The following RBM10 variants were observed in gnomAD, a reference collection of about 807,000 sequenced individuals.
RBM10 encodes the protein RNA-binding protein 10.
RBM10 carries 1 observed loss-of-function variant against 84.9 expected under a neutral mutation model. That is an observed-to-expected ratio of 0.01 (90% CI 0.00 to 0.06). The LOEUF is 0.06. RBM10 is among the 10% of genes least tolerant of loss of function. The pLI, the probability that RBM10 is intolerant of heterozygous loss-of-function variation, is 1.00. For synonymous variants in RBM10, 326 were observed against 344.5 expected, an observed-to-expected ratio of 0.95 and a Z score of 0.60; for missense variants, 438 against 839.0, an observed-to-expected ratio of 0.52 and a Z score of 5.90.
chrX:47,186,227 C>T lies in RBM10; in HGVS notation c.2538-31C>T, dbSNP rs376574361. ...GAGCCCGGGGCCGGGGCCGGCAGGCCGACCACTCATGCTGTGCACCGCCCC... is the reference window on the plus strand; with the variant it reads ...GAGCCCGGGGCCGGGGCCGGCAGGCTGACCACTCATGCTGTGCACCGCCCC... On this transcript the variant is annotated intron_variant, in intron 22 of 23. Coordinates refer to ENST00000377604, the MANE Select transcript of RBM10 (RefSeq NM_005676.5). 32 of 1,208,927 alleles carry T rather than the reference C, an allele frequency of 2.6e-5. No homozygotes were observed. The South Asian group carries it at 3.5e-4, about 13-fold the overall frequency.
chrX:47,159,408 C>CAAA (rs782318170), intron 2 of RBM10, among the ~76,000 whole-genome samples: 1 of 38,007 alleles, frequency 2.6e-5, no homozygotes, highest in African/African-American at 7.7e-5. Context: ...AACTCCGTCT[C>CAAA]AAAAAAAAAA....
At position 47,175,170 on chromosome X, in the gene RBM10, T is replaced by C. The variant is rs1602569746; in HGVS notation, c.576+78T>C. On this transcript the variant is annotated intron_variant, in intron 6 of 23. Transcript: ENST00000377604. ...AGCGCTCCCCATCGCCTGATTCTTA[T>C]GGACACAGTTCCCTGCCCTGTGGCC... 7 of 755,176 alleles carry C rather than the reference T, an allele frequency of 9.3e-6. No homozygotes were observed. In the East Asian group the frequency reaches 2.7e-4, roughly 29 times the overall value. The allele number at this position is 755,176 out of a possible 1,213,427, so 62.2% of individuals were successfully genotyped here. A position where few individuals can be genotyped will look rare whatever the true frequency, so the allele number is the denominator to read the frequency against.
intron 2 of RBM10, among the ~76,000 whole-genome samples, chrX:47,162,485 T>G (rs1933796928): frequency 1.8e-5 from 2 of 111,694 alleles, no homozygotes; most frequent in Non-Finnish European, 3.8e-5. Flanking sequence ...AATTTTAATA[T>G]AACTCCAAAT....
At chrX:47,166,521 C>T (rs781983241) in intron 2 of RBM10, among the ~76,000 whole-genome samples, 14 of 107,281 alleles carry the variant, frequency 1.3e-4, no homozygotes, top group Admixed American at 9.0e-4. Flanking sequence ...CAGGCTGGAG[C>T]GCAGTGGTAC....
At chrX:47,155,765 C>T (rs1164762105) in intron 2 of RBM10, among the ~76,000 whole-genome samples, 3 of 102,685 alleles carry the variant, frequency 2.9e-5, no homozygotes, top group Non-Finnish European at 4.0e-5. Flanking sequence ...TTACAATGAA[C>T]ACCATATATA....
chrX:47,167,801 A>G (rs1934344385), intron 2 of RBM10, among the ~76,000 whole-genome samples: 2 of 112,624 alleles, frequency 1.8e-5, no homozygotes, highest in South Asian at 7.2e-4. Context: ...CAGTGGTTAC[A>G]TTAATTTGTA....
In RBM10 at chrX:47,173,269, C is replaced by A. The variant is rs1409483076; in HGVS notation, c.502+72C>A. On this transcript the variant is annotated intron_variant, in intron 5 of 23. Coordinates refer to ENST00000377604, the MANE Select transcript of RBM10 (RefSeq NM_005676.5). ...CCTCCGAATCTCCCTCCTGCCTCTG[C>A]CTTCTCCCCCACTCCCTCCACCACC... 7 of 1,181,221 alleles carry A rather than the reference C, an allele frequency of 5.9e-6. No homozygotes were observed. The African/African-American group carries it at 1.2e-4, about 21-fold the overall frequency.
chrX:47,165,533 AAG>A (rs1219850930), intron 2 of RBM10, among the ~76,000 whole-genome samples: 2 of 79,390 alleles, frequency 2.5e-5, no homozygotes, highest in African/African-American at 9.6e-5. Context: ...AAAAAAAAAA[AAG>A]AGGCTGGGCG....
intron 2 of RBM10, chrX:47,157,349 T>A (rs1372686869): frequency 3.1e-6 from 1 of 322,073 alleles, no homozygotes; most frequent in Non-Finnish European, 6.0e-6. Context: ...AGGGTGGCTG[T>A]ATGCCATTCA....
intron 3 of RBM10, among the ~76,000 whole-genome samples, chrX:47,170,683 G>A (rs1377895419): frequency 2.7e-5 from 3 of 112,224 alleles, no homozygotes; most frequent in African/African-American, 9.7e-5. Context: ...GAGAGGAGAG[G>A]AAAATCAAGG....
chrX:47,150,543 C>T (rs1193464283), intron 2 of RBM10, among the ~76,000 whole-genome samples: 2 of 111,762 alleles, frequency 1.8e-5, no homozygotes, highest in Non-Finnish European at 3.8e-5. Context: ...ATACGGTAGG[C>T]TCCGGTTTTA....
chrX:47,150,542 G>A (rs1396045374), intron 2 of RBM10, among the ~76,000 whole-genome samples: 1 of 111,718 alleles, frequency 9.0e-6, no homozygotes, highest in Non-Finnish European at 1.9e-5. Context: ...CATACGGTAG[G>A]CTCCGGTTTT....
chrX:47,147,361 C>T lies in RBM10; in HGVS notation c.-121C>T, dbSNP rs2147064218. On this transcript the variant is annotated 5_prime_UTR_variant, in exon 2 of 24. Coordinates refer to ENST00000377604, the MANE Select transcript of RBM10 (RefSeq NM_005676.5). Reference sequence around the variant, plus strand: ...TCTTCCCTCCACTCTCCCCAGAGTCCCTGCAGGAAGCATCACCCAGGCTGG... The same window carrying T: ...TCTTCCCTCCACTCTCCCCAGAGTCTCTGCAGGAAGCATCACCCAGGCTGG... 8.3e-7 allele frequency: 1 copy of T among 1,197,706 alleles called. No homozygotes were observed. The highest frequency in any genetic ancestry group is 1.8e-5 in the South Asian group (1 of 55,452).
At chrX:47,180,342 T>TTCCC in intron 11 of RBM10, 33 bp downstream of exon 11, 1 of 1,059,499 alleles carries the variant, frequency 9.4e-7, no homozygotes, top group South Asian at 2.0e-5. Context: ...TTCCCACCCT[T>TTCCC]CCCCTCCCCA....
intron 9 of RBM10, 148 bp downstream of exon 9, chrX:47,179,643 A>C: frequency 1.3e-6 from 1 of 785,322 alleles, no homozygotes; most frequent in Non-Finnish European, 1.8e-6. Flanking sequence ...GAACAGGGGG[A>C]GTGGCAACAT....
At chrX:47,164,541 G>A (rs1237219378) in intron 2 of RBM10, among the ~76,000 whole-genome samples, 1 of 109,023 alleles carries the variant, frequency 9.2e-6, no homozygotes, top group Non-Finnish European at 1.9e-5. Context: ...AAAAAAAATT[G>A]GCAAAAGGAC....
chrX:47,157,496 C>T, intron 2 of RBM10: 1 of 401,616 alleles, frequency 2.5e-6, no homozygotes, highest in Non-Finnish European at 4.6e-6. Flanking sequence ...GGCTTGTGAC[C>T]TCCATGAAGG....
rs992366611 is a variant in RBM10, at chrX:47,174,962, C to T, written c.503-57C>T. ...CCTCGGGTCCCGCCCCCGGGAACGC[C>T]GTGTGTCCAAAGCTGTTGACTAACC... On this transcript the variant is annotated intron_variant, in intron 5 of 23. Coordinates refer to ENST00000377604, the MANE Select transcript of RBM10 (RefSeq NM_005676.5). 14 of 1,057,681 alleles carry T rather than the reference C, an allele frequency of 1.3e-5. No homozygotes were observed. The Admixed American group carries it at 1.3e-4, about 10-fold the overall frequency. 87.2% of individuals were successfully genotyped at this position (1,057,681 alleles called of 1,213,427 possible).
In RBM10 at chrX:47,185,787, G is replaced by A. The variant is rs1556782204; in HGVS notation, c.2427G>A (p.Met809Ile). Residue 809 changes from methionine to isoleucine, a missense_variant, in exon 21 of 24, where the codon ATG becomes ATA. Physicochemically the swap from Met to Ile is conservative, Grantham distance 10. This residue lies in a region of RBM10 where 92 missense variants were observed against 199.9 expected (regional missense o/e 0.46). Transcript: ENST00000377604. Reference protein sequence around the residue: ...NELEALEKNDMEQMKYRDRAA... With the variant: ...NELEALEKNDIEQMKYRDRAA... ...TAGAAGCACTAGAGAAGAATGACAT[G>A]GAGGTGAGGTGTGACCTGACCCTGG... 2 of 1,210,843 alleles carry A rather than the reference G, an allele frequency of 1.7e-6. No individual in the cohort carries two copies. Among genetic ancestry groups the A allele is most frequent in the Admixed American group, 2.2e-5 (1 of 45,975 alleles).
Sources: allele counts gnomAD v4.1 joint callset (sites outside exome capture counted in the v4.1 genomes callset), GRCh38; gene constraint gnomAD v4.1.1; regional missense constraint gnomAD v4.1.1; transcripts MANE v1.5; gene names NCBI Gene and HGNC (gene_info 2026-07-23, HGNC 2026-07-21).